Variants in HTRA1 observed in about 807,000 individuals in gnomAD.
The protein encoded by HTRA1 is HtrA serine peptidase 1.
A neutral mutation model predicts 49.7 loss-of-function variants in HTRA1; 26 were observed. The observed-to-expected ratio is 0.52, with a 90% CI of 0.38 to 0.73. The LOEUF is 0.73. HTRA1 is among the 30% of genes least tolerant of loss of function. The probability of loss-of-function intolerance (pLI) is 0.00; values close to 1 mark genes in which losing one functional copy is unlikely to be tolerated. For synonymous variants in HTRA1, 291 were observed against 286.9 expected, an observed-to-expected ratio of 1.01 and a Z score of -0.14; for missense variants, 561 against 667.2, an observed-to-expected ratio of 0.84 and a Z score of 1.75.
In HTRA1 at chr10:122,461,946, G is replaced by C. The variant is rs1258271390; in HGVS notation, c.294G>C (p.Ser98=). The C allele has an allele frequency of 6.7e-7, 1 of 1,486,946 alleles. No homozygotes were observed. The highest frequency in any genetic ancestry group is 2.2e-5 in the Admixed American group (1 of 45,076). The allele number at this position is 1,486,946 out of a possible 1,614,324, so 92.1% of individuals were successfully genotyped here. Residue 98 remains serine (S), a synonymous_variant, in exon 1 of 9, where the codon TCG becomes TCC. Coordinates refer to ENST00000368984, the MANE Select transcript of HTRA1 (RefSeq NM_002775.5). ...QCVVPFGVPA[S]ATVRRRAQAG... ...TGGTGCCCTTCGGGGTGCCAGCCTC[G>C]GCCACGGTGCGGCGGCGCGCGCAGG...
chr10:122,505,654 G>A (rs2097502727), intron 3 of HTRA1, among the ~76,000 whole-genome samples: 1 of 152,168 alleles, frequency 6.6e-6, no homozygotes, highest in African/African-American at 2.4e-5. Flanking sequence ...TGGTCCCCTG[G>A]CTCTTTCTTT....
chr10:122,477,331 C>A (rs2097489098), intron 1 of HTRA1, among the ~76,000 whole-genome samples: 1 of 152,094 alleles, frequency 6.6e-6, no homozygotes, highest in Non-Finnish European at 1.5e-5. Flanking sequence ...ATAAGATGAG[C>A]CCCTCAGACG....
At chr10:122,496,225 G>GTTT (rs1287521208) in intron 3 of HTRA1, among the ~76,000 whole-genome samples, 5,068 of 80,254 alleles carry the variant, frequency 0.063, 1,774 homozygotes, top group Non-Finnish European at 0.081. Flanking sequence ...GAGATTGTGG[G>GTTT]TTCTTTTTTT....
intron 1 of HTRA1, among the ~76,000 whole-genome samples, chr10:122,486,762 G>C (rs758879431): frequency 6.6e-6 from 1 of 151,882 alleles, no homozygotes; most frequent in African/African-American, 2.4e-5. Context: ...GTGTGTATGC[G>C]TCTGTATGTA....
intron 6 of HTRA1, among the ~76,000 whole-genome samples, chr10:122,509,837 T>G (rs1298043803): frequency 6.6e-6 from 1 of 152,022 alleles, no homozygotes; most frequent in African/African-American, 2.4e-5. Context: ...TAGAGCAAGC[T>G]TGGGGAAGGG....
At chr10:122,484,612 C>A (rs2097492339) in intron 1 of HTRA1, among the ~76,000 whole-genome samples, 1 of 152,200 alleles carries the variant, frequency 6.6e-6, no homozygotes, top group South Asian at 2.1e-4. Flanking sequence ...AAATTGTATG[C>A]CGTGGCTTGA....
At position 122,514,579 on chromosome 10, in the gene HTRA1, T is replaced by C. The variant is rs1591043606; in HGVS notation, c.*220T>C. The C allele has an allele frequency of 7.0e-6, 4 of 569,984 alleles. No individual in the cohort carries two copies. Among genetic ancestry groups the C allele is most frequent in the East Asian group, 3.1e-5 (1 of 32,300 alleles). 35.3% of individuals were successfully genotyped at this position (569,984 alleles called of 1,614,324 possible). A position where few individuals can be genotyped will look rare whatever the true frequency, so the allele number is the denominator to read the frequency against. On this transcript the variant is annotated 3_prime_UTR_variant, in exon 9 of 9. Coordinates refer to ENST00000368984, the MANE Select transcript of HTRA1 (RefSeq NM_002775.5). ...GCAGAAGCTCTGCCCTTCTGTATCCTATGTATGCAGTGTGCTTTTTCTTGC... is the reference window on the plus strand; with the variant it reads ...GCAGAAGCTCTGCCCTTCTGTATCCCATGTATGCAGTGTGCTTTTTCTTGC...
At chr10:122,505,681 G>T (rs1308950930) in intron 3 of HTRA1, among the ~76,000 whole-genome samples, 2 of 152,236 alleles carry the variant, frequency 1.3e-5, no homozygotes, top group South Asian at 2.1e-4. Flanking sequence ...ATAGACGAAT[G>T]TGAGGCTCTG....
chr10:122,470,316 CAA>C (rs2097485582), intron 1 of HTRA1, among the ~76,000 whole-genome samples: 1 of 152,168 alleles, frequency 6.6e-6, no homozygotes, highest in Non-Finnish European at 1.5e-5. Flanking sequence ...AACAGGGGGA[CAA>C]TGATGCTGCC....
intron 3 of HTRA1, among the ~76,000 whole-genome samples, chr10:122,500,905 C>T (rs2133445146): frequency 6.6e-6 from 1 of 152,268 alleles, no homozygotes; most frequent in African/African-American, 2.4e-5. Flanking sequence ...CCTAAACTTC[C>T]CCTTTGCCCT....
At chr10:122,491,127 C>T (rs563935024) in intron 3 of HTRA1, among the ~76,000 whole-genome samples, 8 of 152,212 alleles carry the variant, frequency 5.3e-5, no homozygotes, top group Non-Finnish European at 1.2e-4. Context: ...CAGCCTCTGC[C>T]TTCATTCTTT....
chr10:122,501,588 C>G (rs1183225047), intron 3 of HTRA1, among the ~76,000 whole-genome samples: 1 of 152,202 alleles, frequency 6.6e-6, no homozygotes, highest in Admixed American at 6.5e-5. Flanking sequence ...CCTGACCCCA[C>G]CGCATTCCTG....
chr10:122,476,124 T>G lies in HTRA1; in HGVS notation c.473-12778T>G, dbSNP rs557810412. Among the ~76,000 whole-genome samples, 7 of 152,318 alleles carry G rather than the reference T, an allele frequency of 4.6e-5. No individual in the cohort carries two copies. In the South Asian group the frequency reaches 1.5e-3, roughly 32 times the overall value. On this transcript the variant is annotated intron_variant, in intron 1 of 8. Transcript: ENST00000368984. Reference sequence around the variant, plus strand: ...CTGGCCATTAGGAACCTTTTAAAACTGATTTCTCTCCTGACCCTCAGAGAG... The same window carrying G: ...CTGGCCATTAGGAACCTTTTAAAACGGATTTCTCTCCTGACCCTCAGAGAG...
At chr10:122,469,077 G>A (rs992911674) in intron 1 of HTRA1, among the ~76,000 whole-genome samples, 6 of 152,176 alleles carry the variant, frequency 3.9e-5, no homozygotes, top group Non-Finnish European at 7.3e-5. Flanking sequence ...AGGGCATATT[G>A]TTGTGGCTGG....
chr10:122,489,257 T>A (rs2097494599), intron 2 of HTRA1, among the ~76,000 whole-genome samples, 165 bp from the exon 3 acceptor site: 1 of 152,112 alleles, frequency 6.6e-6, no homozygotes, highest in Admixed American at 6.5e-5. Flanking sequence ...AAGTTTTTGA[T>A]GCATGCAAAA....
At position 122,478,076 on chromosome 10, in the gene HTRA1, C is replaced by G. The variant is rs146869162; in HGVS notation, c.473-10826C>G. ...TGAGTTTCTGTCTTCACATCTCATC[C>G]TTAACCCTGAATCCTGGCCATAGTT... On this transcript the variant is annotated intron_variant, in intron 1 of 8. Coordinates refer to ENST00000368984, the MANE Select transcript of HTRA1 (RefSeq NM_002775.5). Among the ~76,000 whole-genome samples the G allele has an allele frequency of 8.5e-5, 13 of 152,332 alleles. No individual in the cohort carries two copies. The East Asian group carries it at 2.5e-3, about 29-fold the overall frequency.
intron 3 of HTRA1, among the ~76,000 whole-genome samples, chr10:122,500,600 A>G: frequency 6.6e-6 from 1 of 152,166 alleles, no homozygotes; most frequent in East Asian, 1.9e-4. Flanking sequence ...GTGGAGCCTG[A>G]GGGGGTAATG....
intron 7 of HTRA1, among the ~76,000 whole-genome samples, chr10:122,511,208 A>G (rs1355847194): frequency 6.6e-6 from 1 of 152,150 alleles, no homozygotes; most frequent in Admixed American, 6.5e-5. Flanking sequence ...TATGTATCAC[A>G]CGTACTGGGC....
intron 8 of HTRA1, among the ~76,000 whole-genome samples, 156 bp downstream of exon 8, chr10:122,512,221 C>T (rs1357735544): frequency 6.6e-6 from 1 of 152,150 alleles, no homozygotes; most frequent in Non-Finnish European, 1.5e-5. Context: ...GCTGGCCAGG[C>T]CTTCCGACCT....
Sources: gnomAD v4.1 joint callset for allele counts (sites outside exome capture counted in the v4.1 genomes callset) on GRCh38, gnomAD v4.1.1 for gene constraint, MANE v1.5 for transcripts, NCBI Gene and HGNC (gene_info 2026-07-23, HGNC 2026-07-21) for gene names.